FNDC3B: variants seen among roughly 807,000 people sequenced by gnomAD.
FNDC3B encodes the protein fibronectin type III domain containing 3B, also known as fibronectin type III domain-containing protein 3B.
FNDC3B carries 12 observed loss-of-function variants against 151.5 expected under a neutral mutation model. That is an observed-to-expected ratio of 0.08 (90% CI 0.05 to 0.13). The LOEUF (loss-of-function observed/expected upper bound fraction) is 0.13. Among genes scored for constraint, FNDC3B ranks in the 10% least tolerant of loss-of-function variants. FNDC3B has a pLI of 1.00. For synonymous variants in FNDC3B, 528 were observed against 549.0 expected, an observed-to-expected ratio of 0.96 and a Z score of 0.54; for missense variants, 1,214 against 1,505.3, an observed-to-expected ratio of 0.81 and a Z score of 3.20.
chr3:172,285,673 C>T (rs1054567401), intron 6 of FNDC3B, among the ~76,000 whole-genome samples: 11 of 152,152 alleles, frequency 7.2e-5, no homozygotes, highest in African/African-American at 2.7e-4. Context: ...TAAATGGAAC[C>T]CCGTGTTAAT....
At chr3:172,203,970 T>A (rs1013606360) in intron 3 of FNDC3B, among the ~76,000 whole-genome samples, 1 of 152,172 alleles carries the variant, frequency 6.6e-6, no homozygotes, top group Non-Finnish European at 1.5e-5. Context: ...TGTCCCAAAG[T>A]GGTGTTGGAG....
intron 13 of FNDC3B, among the ~76,000 whole-genome samples, chr3:172,332,633 G>A (rs1732737698): frequency 1.3e-5 from 2 of 152,102 alleles, no homozygotes; most frequent in South Asian, 4.1e-4. Context: ...AACTTTTAGT[G>A]GAATGTTTGC....
At chr3:172,350,414 AT>A (rs1733802506) in intron 21 of FNDC3B, among the ~76,000 whole-genome samples, 1 of 152,222 alleles carries the variant, frequency 6.6e-6, no homozygotes, top group Non-Finnish European at 1.5e-5. Flanking sequence ...GCCCTAGTTG[AT>A]AGAAACATTG....
At chr3:172,320,912 C>A (rs1732048597) in intron 11 of FNDC3B, among the ~76,000 whole-genome samples, 1 of 152,178 alleles carries the variant, frequency 6.6e-6, no homozygotes, top group South Asian at 2.1e-4. Context: ...TGAAAAAGTT[C>A]TTTTGTTGTT....
chr3:172,220,610 T>G (rs1448825457), intron 3 of FNDC3B, among the ~76,000 whole-genome samples: 1 of 152,214 alleles, frequency 6.6e-6, no homozygotes, highest in African/African-American at 2.4e-5. Flanking sequence ...GATTTACTTC[T>G]GTTTTCTTCT....
intron 1 of FNDC3B, among the ~76,000 whole-genome samples, chr3:172,077,548 TA>T (rs557097185): frequency 3.2e-4 from 48 of 152,344 alleles, no homozygotes; most frequent in African/African-American, 9.9e-4. Flanking sequence ...GATGGCGATT[TA>T]TGTCGGACTT....
chr3:172,365,669 T>C (rs1734587518), intron 23 of FNDC3B, among the ~76,000 whole-genome samples: 2 of 152,188 alleles, frequency 1.3e-5, no homozygotes, highest in African/African-American at 4.8e-5. Flanking sequence ...CCAGTCCATA[T>C]TTATGAAGGA....
intron 3 of FNDC3B, among the ~76,000 whole-genome samples, chr3:172,155,599 C>A (rs965490917): frequency 1.3e-5 from 2 of 152,174 alleles, no homozygotes; most frequent in Non-Finnish European, 2.9e-5. Flanking sequence ...CAGTGTTTTC[C>A]CCTTTCCTGG....
chr3:172,294,865 A>G (rs190542790), intron 7 of FNDC3B, among the ~76,000 whole-genome samples: 10 of 152,378 alleles, frequency 6.6e-5, no homozygotes, highest in Admixed American at 2.0e-4. Context: ...CTCCACATCT[A>G]TAATGATATT....
chr3:172,390,441 A>T (rs1174172884), intron 25 of FNDC3B, among the ~76,000 whole-genome samples: 2 of 152,062 alleles, frequency 1.3e-5, no homozygotes, highest in Admixed American at 1.3e-4. Context: ...CAGTCTACAA[A>T]GTTAAAGTTG....
At chr3:172,260,050 C>G (rs907635906) in intron 6 of FNDC3B, among the ~76,000 whole-genome samples, 2 of 152,158 alleles carry the variant, frequency 1.3e-5, no homozygotes, top group African/African-American at 2.4e-5. Context: ...ATGTTATTTT[C>G]TCTGCCTTTT....
chr3:172,117,296 A>G (rs1322834015), intron 2 of FNDC3B, among the ~76,000 whole-genome samples: 1 of 152,138 alleles, frequency 6.6e-6, no homozygotes, highest in Non-Finnish European at 1.5e-5. Flanking sequence ...TGAGTTTTTA[A>G]TGTGTGGCTA....
intron 23 of FNDC3B, among the ~76,000 whole-genome samples, chr3:172,366,298 T>C (rs1020789172): frequency 2.0e-5 from 3 of 152,182 alleles, no homozygotes; most frequent in African/African-American, 7.2e-5. Flanking sequence ...ATTTTTATTG[T>C]TGTTGTTTTG....
At chr3:172,098,539 T>A (rs906485627) in intron 1 of FNDC3B, among the ~76,000 whole-genome samples, 3 of 152,228 alleles carry the variant, frequency 2.0e-5, no homozygotes, top group African/African-American at 4.8e-5. Flanking sequence ...TTTGATTTTT[T>A]AAAAATTGCA....
rs773167378 is a variant in FNDC3B, at chr3:172,112,436, G to A, written c.-28-16G>A. The stretch of plus-strand genomic sequence containing the variant: ...TGGTTCTGAGTCCTTTTTAAAAAGC[G>A]GCGGTTCTCTTGCAGGAAGCCAGTT... On this transcript the variant is annotated splice_polypyrimidine_tract_variant and intron_variant, in intron 1 of 25. Coordinates refer to ENST00000415807, the MANE Select transcript of FNDC3B (RefSeq NM_022763.4). 1.5e-5 allele frequency: 20 copies of A among 1,362,162 alleles called. No individual in the cohort carries two copies. The highest frequency in any genetic ancestry group is 1.8e-4 in the Middle Eastern group (1 of 5,562). The allele number at this position is 1,362,162 out of a possible 1,614,324, so 84.4% of individuals were successfully genotyped here. A position where few individuals can be genotyped will look rare whatever the true frequency, so the allele number is the denominator to read the frequency against.
chr3:172,205,268 C>A (rs1425997224), intron 3 of FNDC3B, among the ~76,000 whole-genome samples: 3 of 152,150 alleles, frequency 2.0e-5, no homozygotes, highest in African/African-American at 4.8e-5. Flanking sequence ...TTTAAACTTA[C>A]TGGAAATATA....
chr3:172,397,203 C>T lies in FNDC3B; in HGVS notation c.3343C>T (p.Leu1115Phe). ...AGAAGCCACATTCCAAATCTCAGGC[C>T]TCCAGACCAACACAGACTACAGGTT... ...GEEATFQISG[L>F]QTNTDYRFRV... Residue 1115 changes from leucine (L) to phenylalanine (F), a missense_variant, in exon 26 of 26, where the codon CTC becomes TTC. Transcript: ENST00000415807. The T allele has an allele frequency of 3.7e-6, 6 of 1,613,678 alleles. No homozygotes were observed. Among genetic ancestry groups the T allele is most frequent in the Non-Finnish European group, 5.1e-6 (6 of 1,179,698 alleles).
chr3:172,243,184 T>C (rs1288119528), intron 4 of FNDC3B, among the ~76,000 whole-genome samples: 1 of 152,230 alleles, frequency 6.6e-6, no homozygotes, highest in African/African-American at 2.4e-5. Flanking sequence ...TTCCAGACTT[T>C]CCCACATTTT....
intron 3 of FNDC3B, among the ~76,000 whole-genome samples, chr3:172,158,699 A>G (rs1722621994): frequency 6.6e-6 from 1 of 152,186 alleles, no homozygotes; most frequent in Non-Finnish European, 1.5e-5. Flanking sequence ...TGTGAAGTCT[A>G]AAGACCTTTG....
Sources: allele counts gnomAD v4.1 joint callset (sites outside exome capture counted in the v4.1 genomes callset), GRCh38; gene constraint gnomAD v4.1.1; transcripts MANE v1.5; gene names NCBI Gene and HGNC (gene_info 2026-07-23, HGNC 2026-07-21).